The following DNAH11 variants were observed in gnomAD, a reference collection of about 807,000 sequenced individuals.
DNAH11 encodes axonemal beta dynein heavy chain 11.
DNAH11 carries 442 observed loss-of-function variants against 526.0 expected under a neutral mutation model. That is an observed-to-expected ratio of 0.84 (90% CI 0.78 to 0.91). The LOEUF is 0.91. Ranked by LOEUF, DNAH11 falls within the 40% of genes least tolerant of loss-of-function variation. The pLI is 0.00. For missense variants in DNAH11, 6,989 were observed against 5,448.7 expected, an observed-to-expected ratio of 1.28 and a Z score of -8.90; for synonymous variants, 2,461 against 1,935.9, an observed-to-expected ratio of 1.27 and a Z score of -7.12.
chr7:21,673,111 A>G (rs1441577683), intron 30 of DNAH11, among the ~76,000 whole-genome samples: 2 of 152,198 alleles, frequency 1.3e-5, no homozygotes, highest in Non-Finnish European at 2.9e-5. Flanking sequence ...GTTTATATAA[A>G]TAAGAGAATT....
In DNAH11 at chr7:21,559,689, G is replaced by A. The variant is rs1783376628; in HGVS notation, c.779G>A (p.Arg260Lys). 7 of 1,611,284 alleles carry A rather than the reference G, an allele frequency of 4.3e-6. No homozygotes were observed. The highest frequency in any genetic ancestry group is 5.9e-6 in the Non-Finnish European group (7 of 1,178,786). ...WSHQIQEIIE[R>K]DSVQRLLNGL... ...CATCAAATCCAAGAAATTATAGAAA[G>A]AGATTCAGTGCAGCGTTTGTTGAAT... is the stretch of plus-strand genomic sequence containing the variant. Residue 260 changes from arginine (R) to lysine (K), a missense_variant, in exon 4 of 82, where the codon AGA becomes AAA. Transcript: ENST00000409508.
chr7:21,554,405 C>G (rs1783141585), intron 2 of DNAH11, among the ~76,000 whole-genome samples: 1 of 151,964 alleles, frequency 6.6e-6, no homozygotes, highest in Non-Finnish European at 1.5e-5. Flanking sequence ...GAGGCCCTGA[C>G]CTCAGGTGAT....
chr7:21,591,284 A>C lies in DNAH11; in HGVS notation c.2374A>C (p.Ile792Leu), dbSNP rs762314534. 31 of 1,613,376 alleles carry C rather than the reference A, an allele frequency of 1.9e-5. 2 individuals carry two copies. In the Admixed American group the frequency reaches 2.2e-4, roughly 11 times the overall value. The change falls in exon 14 of 82, where the codon ATT becomes CTT. Residue 792 changes from isoleucine to leucine, a missense_variant. Physicochemically the swap from Ile to Leu is conservative, Grantham distance 5. Transcript: ENST00000409508. ...TCTGATTGAAGATGAGCTGAGGGCTATTGACGAGCAGCTGACAGCAGCCAC... is the reference window on the plus strand; with the variant it reads ...TCTGATTGAAGATGAGCTGAGGGCTCTTGACGAGCAGCTGACAGCAGCCAC... ...YPLIEDELRAIDEQLTAATTW... is the reference protein window; with the variant it reads ...YPLIEDELRALDEQLTAATTW...
chr7:21,801,861 G>C (rs565715100), intron 62 of DNAH11, among the ~76,000 whole-genome samples: 56 of 152,286 alleles, frequency 3.7e-4, no homozygotes, highest in African/African-American at 1.3e-3. Flanking sequence ...ACATGCTAAT[G>C]TTAATAGTTA....
At chr7:21,821,785 A>G (rs1041231255) in intron 65 of DNAH11, among the ~76,000 whole-genome samples, 1 of 152,016 alleles carries the variant, frequency 6.6e-6, no homozygotes, top group African/African-American at 2.4e-5. Flanking sequence ...CTACTATTCT[A>G]TTGAATACTA....
intron 69 of DNAH11, among the ~76,000 whole-genome samples, chr7:21,863,103 G>A (rs1373081736): frequency 1.3e-5 from 2 of 150,700 alleles, no homozygotes; most frequent in East Asian, 1.9e-4. Context: ...AAAAGCGTTC[G>A]TGATAAGAAA....
At chr7:21,778,639 G>C (rs1284510333) in intron 56 of DNAH11, among the ~76,000 whole-genome samples, 6 of 152,106 alleles carry the variant, frequency 3.9e-5, no homozygotes, top group African/African-American at 1.4e-4. Flanking sequence ...GAGCTGCCTA[G>C]GACCCAAAAG....
Position 21,639,071 on chromosome 7 carries a change from A to G in DNAH11, c.4944+6A>G, listed in dbSNP as rs761989552. 7.5e-6 allele frequency: 12 copies of G among 1,601,804 alleles called. No individual in the cohort carries two copies. The highest frequency in any genetic ancestry group is 6.7e-5 in the East Asian group (3 of 44,704). On this transcript the variant is annotated splice_donor_region_variant and intron_variant, in intron 28 of 81. Transcript: ENST00000409508. Reference sequence around the variant, plus strand: ...AAGGAGCTCAGCCTAAACAGGTAATATTTTTTTTGAAAGTCTCGTATTATA... The same window carrying G: ...AAGGAGCTCAGCCTAAACAGGTAATGTTTTTTTTGAAAGTCTCGTATTATA...
intron 54 of DNAH11, among the ~76,000 whole-genome samples, chr7:21,751,967 A>G (rs1786432753): frequency 6.6e-6 from 1 of 152,234 alleles, no homozygotes; most frequent in South Asian, 2.1e-4. Flanking sequence ...GTATAAATCA[A>G]TGATTATCGT....
chr7:21,799,896 A>G (rs1054565522), intron 61 of DNAH11, among the ~76,000 whole-genome samples: 4 of 152,192 alleles, frequency 2.6e-5, no homozygotes, highest in Admixed American at 6.5e-5. Context: ...TACAAAAGCA[A>G]TGCTATAAAT....
intron 65 of DNAH11, among the ~76,000 whole-genome samples, chr7:21,820,495 TG>T (rs1398798095): frequency 6.6e-6 from 1 of 152,214 alleles, no homozygotes; most frequent in Non-Finnish European, 1.5e-5. Flanking sequence ...AAGAGAATCC[TG>T]GACAGAGAGC....
chr7:21,780,730 C>G (rs928500672), intron 57 of DNAH11, among the ~76,000 whole-genome samples: 3 of 152,092 alleles, frequency 2.0e-5, no homozygotes, highest in Non-Finnish European at 4.4e-5. Flanking sequence ...TATGTTTAAT[C>G]CATACCAAGA....
At position 21,617,915 on chromosome 7, in the gene DNAH11, T is replaced by C. The variant is rs1029218253; in HGVS notation, c.4254+138T>C. 7.0e-6 allele frequency: 7 copies of C among 1,003,510 alleles called. No individual in the cohort carries two copies. In the Admixed American group the frequency reaches 1.3e-4, roughly 19 times the overall value. The allele number at this position is 1,003,510 out of a possible 1,614,324, so 62.2% of individuals were successfully genotyped here. On this transcript the variant is annotated intron_variant, in intron 23 of 81. Coordinates refer to ENST00000409508, the MANE Select transcript of DNAH11 (RefSeq NM_001277115.2). ...CCTCTACTTGCTGTGTTATGCCTTT[T>C]TGCTGTCTAGAAAAAGTCGCCTGAT...
intron 23 of DNAH11, chr7:21,618,230 A>G (rs1453646320): frequency 6.5e-6 from 1 of 153,336 alleles, no homozygotes. Context: ...CACTGAAAGT[A>G]TCACATCCCT....
In DNAH11 at chr7:21,658,844, T is replaced by A. The variant is rs775475984; in HGVS notation, c.5141T>A (p.Val1714Glu). ...CTTGAACAGACTATGCAAGAAACGG[T>A]GCGTCATTCTATAACAGAAGCCATA... is the stretch of plus-strand genomic sequence containing the variant. ...LQLEQTMQET[V>E]RHSITEAIVA... Residue 1714 changes from valine to glutamate, a missense_variant, in exon 30 of 82, where the codon GTG (valine) becomes GAG (glutamate). Coordinates refer to ENST00000409508, the MANE Select transcript of DNAH11 (RefSeq NM_001277115.2). 6.2e-7 allele frequency: 1 copy of A among 1,602,746 alleles called. No individual in the cohort carries two copies. Among genetic ancestry groups the A allele is most frequent in the Non-Finnish European group, 8.5e-7 (1 of 1,174,700 alleles).
chr7:21,628,029 A>T (rs1737342847), intron 25 of DNAH11, among the ~76,000 whole-genome samples: 1 of 151,974 alleles, frequency 6.6e-6, no homozygotes, highest in Non-Finnish European at 1.5e-5. Context: ...ATTCCTACAT[A>T]GTTGATATTA....
rs139724433 is a variant in DNAH11 at position 21,864,716 on chromosome 7, C to T, written c.11496+59C>T. 335 of 1,478,940 alleles carry T rather than the reference C, an allele frequency of 2.3e-4. 1 individual carries two copies. In the African/African-American group the frequency reaches 4.3e-3, roughly 19 times the overall value. The allele number at this position is 1,478,940 out of a possible 1,614,324, so 91.6% of individuals were successfully genotyped here. On this transcript the variant is annotated intron_variant, in intron 70 of 81. Coordinates refer to ENST00000409508, the MANE Select transcript of DNAH11 (RefSeq NM_001277115.2). ...TCTTATTTAAAATATTAGCTCTCTC[C>T]AGTGTTGAAATGTAAACATTAAAGA...
rs151031795 is a variant in DNAH11 at position 21,897,017 on chromosome 7, A to G, written c.13049+2018A>G. ...TTGAGCCCAAGAGGTCAAGGGTGCA[A>G]TGAGCCATGATCATGCCACTGCATT... On this transcript the variant is annotated intron_variant, in intron 79 of 81. Transcript: ENST00000409508. Among the ~76,000 whole-genome samples the G allele has an allele frequency of 6.3e-3, 958 of 152,236 alleles. 9 individuals carry two copies. The highest frequency in any genetic ancestry group is 0.01 in the Non-Finnish European group (710 of 67,990).
At chr7:21,787,649 A>C in intron 60 of DNAH11, 66 bp downstream of exon 60, 1 of 1,383,412 alleles carries the variant, frequency 7.2e-7, no homozygotes, top group Non-Finnish European at 9.6e-7. Context: ...ATCAATTTCT[A>C]GGTCAGCGAG....
Sources: gnomAD v4.1 joint callset for allele counts (sites outside exome capture counted in the v4.1 genomes callset) on GRCh38, gnomAD v4.1.1 for gene constraint, MANE v1.5 for transcripts, NCBI Gene and HGNC (gene_info 2026-07-23, HGNC 2026-07-21) for gene names.